The following SHPRH variants were observed in gnomAD, a reference collection of about 807,000 sequenced individuals.
The protein encoded by SHPRH is SNF2 histone linker PHD RING helicase.
SHPRH carries 106 observed loss-of-function variants against 202.5 expected under a neutral mutation model. That is an observed-to-expected ratio of 0.52 (90% CI 0.45 to 0.62). The LOEUF (loss-of-function observed/expected upper bound fraction) is 0.62, where lower values mean the gene tolerates loss of function less well. Ranked by LOEUF, SHPRH falls within the 20% of genes least tolerant of loss-of-function variation. SHPRH has a pLI of 0.00. For missense variants in SHPRH, 1,710 were observed against 2,020.0 expected (o/e 0.85, Z 2.94); for synonymous variants, 729 against 686.0 (o/e 1.06, Z -0.98).
chr6:145,947,547 C>G lies in SHPRH; in HGVS notation c.1158G>C (p.Leu386=). The G allele has an allele frequency of 6.2e-7, 1 of 1,612,996 alleles. No homozygotes were observed. Among genetic ancestry groups the G allele is most frequent in the Non-Finnish European group, 8.5e-7 (1 of 1,179,326 alleles). The change falls in exon 6 of 30, where the codon CTG becomes CTC. Residue 386 remains leucine, a synonymous_variant. Transcript: ENST00000275233. The part of the protein sequence containing the change: ...GLGKTVEVLA[L]ILTHTRQDVK... ...CATCTTGTCGAGTATGTGTCAGAAT[C>G]AGAGCCAAAACCTCCACTGTCTTTC...
In SHPRH at chr6:145,924,100, G is replaced by A. The variant is rs1035572718; in HGVS notation, c.3403-315C>T. 4.6e-5 allele frequency among the ~76,000 whole-genome samples: 7 copies of A among 151,906 alleles called. No individual in the cohort carries two copies. The South Asian group carries it at 1.5e-3, about 31-fold the overall frequency. ...TGAAAATTCAATACTCAATCTATAT[G>A]TGTGAAAAGGTCACAGGTCTCTTTA... On this transcript the variant is annotated intron_variant, in intron 17 of 29. Transcript: ENST00000275233.
chr6:145,861,286 C>A (rs2128681586), downstream of SHPRH, among the ~76,000 whole-genome samples: 1 of 151,892 alleles, frequency 6.6e-6, no homozygotes, highest in Non-Finnish European at 1.5e-5. Flanking sequence ...GGGCAAAGGA[C>A]CTGAACCAAC....
chr6:145,870,181 G>A (rs1262360508), intron 2 of SHPRH, among the ~76,000 whole-genome samples: 2 of 150,364 alleles, frequency 1.3e-5, no homozygotes, highest in Non-Finnish European at 3.0e-5. Context: ...CAATAGAATT[G>A]TATATATTAG....
At chr6:145,901,688 T>C (rs770914068) in intron 25 of SHPRH, among the ~76,000 whole-genome samples, 2 of 152,114 alleles carry the variant, frequency 1.3e-5, no homozygotes, top group South Asian at 2.1e-4. Context: ...AGAAATCCCA[T>C]ACAACTGCTA....
chr6:145,943,034 C>A, intron 9 of SHPRH, 109 bp downstream of exon 9: 1 of 1,267,554 alleles, frequency 7.9e-7, no homozygotes, highest in Non-Finnish European at 1.1e-6. Flanking sequence ...ACTATTAAAT[C>A]ATTCAGTTAG....
intron 25 of SHPRH, among the ~76,000 whole-genome samples, chr6:145,900,115 A>G (rs1348900109): frequency 6.6e-6 from 1 of 152,188 alleles, no homozygotes; most frequent in East Asian, 1.9e-4. Flanking sequence ...TATATTAAAA[A>G]TAGAACTACC....
In SHPRH at chr6:145,943,289, T is replaced by C. The variant is rs1173261702; in HGVS notation, c.2092A>G (p.Ile698Val). 10 of 1,613,742 alleles carry C rather than the reference T, an allele frequency of 6.2e-6. No homozygotes were observed. The highest frequency in any genetic ancestry group is 8.5e-6 in the Non-Finnish European group (10 of 1,179,900). ...CAGTGGGGGCAGTAAAAAGGCTTGA[T>C]CTTCAGATTTTTCTCATCATAATTC... The part of the protein sequence containing the change: ...CVNYDEKNLK[I>V]KPFYCPHCLV... Residue 698 changes from isoleucine to valine, a missense_variant, in exon 9 of 30, where the codon ATC becomes GTC. Physicochemically the swap from Ile to Val is conservative, Grantham distance 29 (BLOSUM62 3). Around this residue, in one of 8 missense-constraint regions of SHPRH, gnomAD observed 277 missense variants for 363.0 expected, o/e 0.76. Transcript: ENST00000275233.
chr6:145,933,218 T>C (rs773266908), intron 13 of SHPRH, 40 bp from the exon 14 acceptor site: 2 of 1,612,888 alleles, frequency 1.2e-6, no homozygotes, highest in Non-Finnish European at 1.7e-6. Context: ...AGAAAGAAAA[T>C]CCCAAGTGTG....
rs144380290 is a variant in SHPRH, at chr6:145,941,514, T to C, written c.2490+109A>G. On this transcript the variant is annotated intron_variant, in intron 10 of 29. Transcript: ENST00000275233. Reference sequence around the variant, plus strand: ...TGTTTAATAACAAACTTTTGACCAATATCAGTACTACAGGTTAACTATGCT... The same window carrying C: ...TGTTTAATAACAAACTTTTGACCAACATCAGTACTACAGGTTAACTATGCT... 78 of 1,490,122 alleles carry C rather than the reference T, an allele frequency of 5.2e-5. No homozygotes were observed. In the Middle Eastern group the frequency reaches 2.1e-3, roughly 41 times the overall value. The allele number at this position is 1,490,122 out of a possible 1,614,324, so 92.3% of individuals were successfully genotyped here. A position where few individuals can be genotyped will look rare whatever the true frequency, so the allele number is the denominator to read the frequency against.
chr6:145,935,526 G>C, intron 11 of SHPRH, 85 bp from the exon 12 acceptor site: 1 of 1,311,806 alleles, frequency 7.6e-7, no homozygotes, highest in Non-Finnish European at 1.0e-6. Flanking sequence ...ACATTACACA[G>C]CACATAGAAC....
chr6:145,932,000 C>G (rs1785509525), intron 14 of SHPRH, among the ~76,000 whole-genome samples: 1 of 151,232 alleles, frequency 6.6e-6, no homozygotes, highest in South Asian at 2.1e-4. Flanking sequence ...CTTCGTTTTT[C>G]ATGTTGGAGA....
At chr6:145,901,772 T>C (rs1019231417) in intron 25 of SHPRH, among the ~76,000 whole-genome samples, 1 of 152,148 alleles carries the variant, frequency 6.6e-6, no homozygotes, top group Non-Finnish European at 1.5e-5. Flanking sequence ...CTGACATTAC[T>C]GTCCCTTTCC....
chr6:145,902,421 T>A (rs1243672940), intron 25 of SHPRH, among the ~76,000 whole-genome samples: 1 of 152,134 alleles, frequency 6.6e-6, no homozygotes, highest in Non-Finnish European at 1.5e-5. Context: ...AACCTAAACT[T>A]TGAATTACAA....
intron 25 of SHPRH, among the ~76,000 whole-genome samples, chr6:145,896,449 G>C (rs952301911): frequency 5.3e-5 from 8 of 151,904 alleles, no homozygotes; most frequent in African/African-American, 9.7e-5. Flanking sequence ...CTTACTAAAA[G>C]TTCAAAAAAA....
chr6:145,955,176 G>A lies in SHPRH; in HGVS notation c.147C>T (p.Thr49=), dbSNP rs748993624. ...DDEQPCPGSD[T]SSAHYIILSD... is the part of the protein sequence containing the mutation. ...TTAGAATGATATAATGAGCAGAAGA[G>A]GTATCTGAACCTGGGCAGGGCTGCT... The change falls in exon 2 of 30, where the codon ACC becomes ACT. Residue 49 remains threonine (T), a synonymous_variant. Coordinates refer to ENST00000275233, the MANE Select transcript of SHPRH (RefSeq NM_001042683.3). 6.8e-6 allele frequency: 11 copies of A among 1,613,690 alleles called. No homozygotes were observed. The highest frequency in any genetic ancestry group is 3.3e-4 in the Middle Eastern group (2 of 6,084).
At chr6:145,886,899 G>A in intron 29 of SHPRH, 112 bp from the exon 30 acceptor site, 2 of 1,120,536 alleles carry the variant, frequency 1.8e-6, no homozygotes, top group Non-Finnish European at 2.4e-6. Flanking sequence ...TTGTAATTGG[G>A]ATATAAGAAA....
rs1038313711 is a variant in SHPRH at position 145,919,611 on chromosome 6, C to T, written c.4009-120G>A. 9 of 1,176,830 alleles carry T rather than the reference C, an allele frequency of 7.6e-6. No individual in the cohort carries two copies. In the Admixed American group the frequency reaches 1.7e-4, roughly 22 times the overall value. 72.9% of individuals were successfully genotyped at this position (1,176,830 alleles called of 1,614,324 possible). ...GATCTTACACTTTTTCGCTATGTGT[C>T]TAACGTACAAGTAGTTCCTGGGGTC... On this transcript the variant is annotated intron_variant, in intron 21 of 29. Transcript: ENST00000275233.
At chr6:145,946,699 T>C (rs924571119) in intron 6 of SHPRH, among the ~76,000 whole-genome samples, 2 of 151,980 alleles carry the variant, frequency 1.3e-5, no homozygotes, top group African/African-American at 4.8e-5. Context: ...AAGTTACTGA[T>C]AGTTAAGTCA....
intron 25 of SHPRH, 115 bp downstream of exon 25, chr6:145,910,333 G>A: frequency 8.8e-7 from 1 of 1,135,754 alleles, no homozygotes; most frequent in South Asian, 1.5e-5. Context: ...GACAACAGTG[G>A]CGTCTACCTA....
Sources: gnomAD v4.1 joint callset for allele counts (sites outside exome capture counted in the v4.1 genomes callset) on GRCh38, gnomAD v4.1.1 for gene constraint, gnomAD v4.1.1 regional missense constraint, MANE v1.5 for transcripts, NCBI Gene and HGNC (gene_info 2026-07-23, HGNC 2026-07-21) for gene names.